Variants in KCNAB2 observed in about 807,000 individuals in gnomAD.
KCNAB2 encodes voltage-gated potassium channel subunit beta-2.
KCNAB2 carries 29 observed loss-of-function variants against 63.6 expected under a neutral mutation model. The observed-to-expected ratio is 0.46, with a 90% CI of 0.34 to 0.62. The LOEUF (loss-of-function observed/expected upper bound fraction) is 0.62. Among genes scored for constraint, KCNAB2 ranks in the 20% least tolerant of loss-of-function variants. The probability of loss-of-function intolerance (pLI) is 0.01; values close to 1 mark genes in which losing one functional copy is unlikely to be tolerated. For synonymous variants in KCNAB2, 222 were observed against 224.2 expected (o/e 0.99, Z 0.09); for missense variants, 359 against 563.9 (o/e 0.64, Z 3.68).
intron 1 of KCNAB2, among the ~76,000 whole-genome samples, chr1:6,048,556 C>T (rs1661129928): frequency 6.6e-6 from 1 of 152,228 alleles, no homozygotes; most frequent in South Asian, 2.1e-4. Context: ...GCCCCGGGGC[C>T]TTGGCTATAT....
chr1:6,091,731 G>C (rs1331246231), intron 10 of KCNAB2, among the ~76,000 whole-genome samples: 8 of 152,096 alleles, frequency 5.3e-5, no homozygotes, highest in African/African-American at 9.7e-5. Flanking sequence ...CCGAGTCTTA[G>C]CTCCTCCATG....
chr1:6,085,751 C>G, intron 6 of KCNAB2: 1 of 801,536 alleles, frequency 1.2e-6, no homozygotes, highest in Non-Finnish European at 1.5e-6. Flanking sequence ...ATCTTCGCGG[C>G]GTCTCAGCCT....
rs1665951808 is a variant in KCNAB2 at position 6,100,362 on chromosome 1, G to C, written c.*1788G>C. 1 of 244,176 alleles carries C rather than the reference G, an allele frequency of 4.1e-6. No individual in the cohort carries two copies. The highest frequency in any genetic ancestry group is 5.2e-5 in the Admixed American group (1 of 19,336). 15.1% of individuals were successfully genotyped at this position (244,176 alleles called of 1,614,324 possible). A position where few individuals can be genotyped will look rare whatever the true frequency, so the allele number is the denominator to read the frequency against. ...TGCCTGCTTCACCAGAAGCAGCCCT[G>C]TGAGTGTGGGGTGGGGAAGTCCCTT... On this transcript the variant is annotated 3_prime_UTR_variant, in exon 16 of 16. Coordinates refer to ENST00000378083, the MANE Select transcript of KCNAB2 (RefSeq NM_001199862.2).
intron 1 of KCNAB2, among the ~76,000 whole-genome samples, chr1:5,999,942 C>G (rs1468628860): frequency 6.6e-6 from 1 of 151,886 alleles, no homozygotes; most frequent in Non-Finnish European, 1.5e-5. Context: ...CCGCCTGCGC[C>G]CTGTCTGTGC....
intron 2 of KCNAB2, among the ~76,000 whole-genome samples, chr1:6,057,631 T>G (rs1661951933): frequency 6.6e-6 from 1 of 152,198 alleles, no homozygotes; most frequent in South Asian, 2.1e-4. Flanking sequence ...AAGCTTTTTC[T>G]TTCCCAGTTC....
chr1:6,101,006 T>C lies in KCNAB2; in HGVS notation c.*2432T>C, dbSNP rs146904941. Reference sequence around the variant, plus strand: ...TTCTGTCCTTGTCCAGTCATGTAAATAATGTGCTTTTTCTCTCCCCGAGTC... The same window carrying C: ...TTCTGTCCTTGTCCAGTCATGTAAACAATGTGCTTTTTCTCTCCCCGAGTC... On this transcript the variant is annotated 3_prime_UTR_variant, in exon 16 of 16. Transcript: ENST00000378083. 2 of 148,610 alleles carry C rather than the reference T, an allele frequency of 1.3e-5. No homozygotes were observed. The highest frequency in any genetic ancestry group is 3.0e-5 in the Non-Finnish European group (2 of 67,364). 9.2% of individuals were successfully genotyped at this position (148,610 alleles called of 1,614,324 possible). A position where few individuals can be genotyped will look rare whatever the true frequency, so the allele number is the denominator to read the frequency against.
chr1:6,047,088 C>T (rs894909011), intron 1 of KCNAB2, among the ~76,000 whole-genome samples: 1 of 152,150 alleles, frequency 6.6e-6, no homozygotes, highest in South Asian at 2.1e-4. Context: ...TGAGGAGGGG[C>T]TCGTTTTTCT....
chr1:6,047,154 G>A (rs1000436933), intron 1 of KCNAB2, among the ~76,000 whole-genome samples: 6 of 152,166 alleles, frequency 3.9e-5, no homozygotes, highest in Admixed American at 1.3e-4. Flanking sequence ...TCTGGAAAGC[G>A]GCCGGGATTT....
chr1:6,095,180 G>A, intron 11 of KCNAB2, 143 bp from the exon 12 acceptor site: 1 of 832,932 alleles, frequency 1.2e-6, no homozygotes, highest in Non-Finnish European at 1.9e-6. Flanking sequence ...GGGAAGCTAT[G>A]AGTGTGAGCA....
intron 5 of KCNAB2, among the ~76,000 whole-genome samples, chr1:6,082,717 T>G (rs1381638972): frequency 4.6e-5 from 7 of 152,220 alleles, no homozygotes; most frequent in Admixed American, 1.3e-4. Flanking sequence ...TGCTCAATTA[T>G]GTAAAAGCTC....
At chr1:6,020,395 T>C (rs1262244021) in intron 1 of KCNAB2, among the ~76,000 whole-genome samples, 1 of 152,094 alleles carries the variant, frequency 6.6e-6, no homozygotes, top group Non-Finnish European at 1.5e-5. Flanking sequence ...GACTGCCACC[T>C]TCTGCCCCCA....
intron 1 of KCNAB2, among the ~76,000 whole-genome samples, chr1:5,996,739 C>T (rs1656964498): frequency 6.6e-6 from 1 of 152,244 alleles, no homozygotes; most frequent in African/African-American, 2.4e-5. Flanking sequence ...TCCGCCTTTA[C>T]CTGGACCCAG....
chr1:6,059,146 T>C (rs186532651), intron 2 of KCNAB2, among the ~76,000 whole-genome samples: 2 of 152,234 alleles, frequency 1.3e-5, no homozygotes, highest in Admixed American at 6.5e-5. Context: ...TTTCTGGAGC[T>C]GACCTGGCCA....
At chr1:6,045,873 A>G (rs967280600), upstream of KCNAB2, 34 of 984,862 alleles carry the variant, frequency 3.5e-5, no homozygotes, top group East Asian at 1.1e-4. This position sits in a 1 kb window ranked among gnomAD's most constrained non-coding sequence, Gnocchi z 4.8. Flanking sequence ...CTGCACCCCA[A>G]CCCCACGCAC....
chr1:6,039,222 C>T (rs1660299140), intron 1 of KCNAB2, among the ~76,000 whole-genome samples: 2 of 152,158 alleles, frequency 1.3e-5, no homozygotes, highest in South Asian at 4.1e-4. Flanking sequence ...GTGAGCTCAG[C>T]GTGCTGGGAA....
chr1:6,098,693 T>C lies in KCNAB2; in HGVS notation c.*119T>C, dbSNP rs1294619744. 1.6e-6 allele frequency: 2 copies of C among 1,249,346 alleles called. No homozygotes were observed. Among genetic ancestry groups the C allele is most frequent in the Non-Finnish European group, 2.2e-6 (2 of 902,846 alleles). 77.4% of individuals were successfully genotyped at this position (1,249,346 alleles called of 1,614,324 possible). A position where few individuals can be genotyped will look rare whatever the true frequency, so the allele number is the denominator to read the frequency against. On this transcript the variant is annotated 3_prime_UTR_variant, in exon 16 of 16. Transcript: ENST00000378083. ...TTGCATCCAAGAGAAAACACCACAC[T>C]GTGATGTCATCGGGAAATGATCTCC...
chr1:6,048,435 G>A (rs920192255), intron 1 of KCNAB2, among the ~76,000 whole-genome samples: 31 of 152,216 alleles, frequency 2.0e-4, no homozygotes, highest in African/African-American at 7.2e-4. Flanking sequence ...TCACAGATGT[G>A]GAGGCTGAGG....
At chr1:5,996,552 C>A (rs1392421239) in intron 1 of KCNAB2, among the ~76,000 whole-genome samples, 1 of 152,254 alleles carries the variant, frequency 6.6e-6, no homozygotes, top group Non-Finnish European at 1.5e-5. Context: ...ACAGAGCAAC[C>A]CCATGCCCAC....
Position 6,086,283 on chromosome 1 carries a change from G to A in KCNAB2, c.425+1035G>A, listed in dbSNP as rs1571076624. On this transcript the variant is annotated intron_variant, in intron 6 of 15. Transcript: ENST00000378083. This position sits in a 1 kb window ranked among gnomAD's most constrained non-coding sequence, Gnocchi z 4.2. The stretch of plus-strand genomic sequence containing the variant: ...TGGATTCCTGACACCCCTTCCTCTT[G>A]TCCCATCAAATTTGTTTTTTGGCAA... The A allele has an allele frequency of 2.1e-6, 2 of 961,426 alleles. No individual in the cohort carries two copies. Among genetic ancestry groups the A allele is most frequent in the African/African-American group, 3.9e-5 (2 of 51,258 alleles). 59.6% of individuals were successfully genotyped at this position (961,426 alleles called of 1,614,324 possible).
Sources: gnomAD v4.1 joint callset for allele counts (sites outside exome capture counted in the v4.1 genomes callset) on GRCh38, gnomAD v4.1.1 for gene constraint, Gnocchi (gnomAD v3.1) non-coding constraint, MANE v1.5 for transcripts, NCBI Gene and HGNC (gene_info 2026-07-23, HGNC 2026-07-21) for gene names.